Variants in TRIP12 observed in about 807,000 individuals in gnomAD.
TRIP12 encodes the protein thyroid hormone receptor interactor 12, also known as E3 ubiquitin-protein ligase TRIP12.
A neutral mutation model predicts 244.2 loss-of-function variants in TRIP12; 25 were observed. The ratio of observed to expected loss-of-function variants is 0.10; its 90% CI spans 0.07 to 0.14. The LOEUF is 0.14. Among genes scored for constraint, TRIP12 ranks in the 10% least tolerant of loss-of-function variants. The pLI is 1.00. For synonymous variants in TRIP12, 905 were observed against 873.1 expected (o/e 1.04, Z -0.64); for missense variants, 1,677 against 2,486.4 (o/e 0.67, Z 6.92).
In TRIP12 at chr2:229,788,938, A is replaced by G; in HGVS notation, c.4698T>C (p.Asn1566=). 2 of 1,599,636 alleles carry G rather than the reference A, an allele frequency of 1.3e-6. No homozygotes were observed. The highest frequency in any genetic ancestry group is 8.5e-7 in the Non-Finnish European group (1 of 1,175,162). ...TTGGAATAATTTCCTTGCACATTGC[A>G]TTCTGTAAAATGTTTAAAAAAAAAA... ...ISRYWYYLYD[N]AMCKEIIPTS... is the part of the protein sequence containing the mutation. The change falls in exon 32 of 42, where the codon AAT becomes AAC. Residue 1566 remains asparagine (N), a splice_region_variant and synonymous_variant. Coordinates refer to ENST00000675903, the MANE Select transcript of TRIP12 (RefSeq NM_001348323.3).
intron 4 of TRIP12, among the ~76,000 whole-genome samples, chr2:229,848,641 G>C (rs746742118): frequency 6.6e-6 from 1 of 152,000 alleles, no homozygotes; most frequent in Admixed American, 6.6e-5. Context: ...ACAAGTACAC[G>C]GTGACCAACA....
At chr2:229,771,674 A>T in intron 38 of TRIP12, 42 bp from the exon 39 acceptor site, 1 of 1,475,474 alleles carries the variant, frequency 6.8e-7, no homozygotes, top group East Asian at 2.3e-5. Flanking sequence ...CAAGATTTCA[A>T]ATCTCTTTAC....
At chr2:229,811,098 C>T in intron 14 of TRIP12, 38 bp downstream of exon 14, 2 of 1,613,614 alleles carry the variant, frequency 1.2e-6, no homozygotes, top group Non-Finnish European at 8.5e-7. Context: ...AGCAATTCAA[C>T]AACCTCATAA....
In TRIP12 at chr2:229,833,969, T is replaced by C. The variant is rs73101655; in HGVS notation, c.1270+2879A>G. On this transcript the variant is annotated intron_variant, in intron 6 of 41. Coordinates refer to ENST00000675903, the MANE Select transcript of TRIP12 (RefSeq NM_001348323.3). ...AGGTCATGCAGATACGAAAATGTAA[T>C]TAATCAACAGCAGTCAGCTACAGTT... 4.2e-3 allele frequency among the ~76,000 whole-genome samples: 643 copies of C among 152,322 alleles called. 7 individuals are homozygous for C. Among genetic ancestry groups the C allele is most frequent in the African/African-American group, 0.015 (628 of 41,570 alleles).
At chr2:229,780,942 C>T (rs2037951024) in intron 34 of TRIP12, among the ~76,000 whole-genome samples, 1 of 152,232 alleles carries the variant, frequency 6.6e-6, no homozygotes, top group Non-Finnish European at 1.5e-5. Context: ...TGCAGTAACA[C>T]ATGGTATCCA....
chr2:229,813,835 C>T (rs979217287), intron 13 of TRIP12, 35 bp downstream of exon 13: 3 of 1,349,252 alleles, frequency 2.2e-6, no homozygotes, highest in South Asian at 2.3e-5. Flanking sequence ...AGTAATAAAA[C>T]ACTTTATGGC....
intron 4 of TRIP12, among the ~76,000 whole-genome samples, chr2:229,845,759 C>T (rs532689496): frequency 5.3e-5 from 8 of 152,166 alleles, no homozygotes; most frequent in African/African-American, 1.9e-4. Context: ...GGTGTAGTGG[C>T]TCACATCTGT....
chr2:229,769,149 A>G, intron 40 of TRIP12, 82 bp downstream of exon 40: 1 of 1,186,294 alleles, frequency 8.4e-7, no homozygotes, highest in Non-Finnish European at 1.2e-6. Context: ...TTGTTTACAC[A>G]TGTGCGCATG....
chr2:229,895,211 T>C (rs1449001811), intron 1 of TRIP12, among the ~76,000 whole-genome samples: 1 of 151,934 alleles, frequency 6.6e-6, no homozygotes, highest in Non-Finnish European at 1.5e-5. Context: ...ATTTCTAACA[T>C]GAAAAATAAA....
rs753542969 is a variant in TRIP12 at position 229,768,745 on chromosome 2, A to T, written c.5904-26T>A. ...CTATAACAGAAATAAATATACCAAA[A>T]TTATTTCATCAGGTTAAAATAGAGT... On this transcript the variant is annotated intron_variant, in intron 40 of 41. Coordinates refer to ENST00000675903, the MANE Select transcript of TRIP12 (RefSeq NM_001348323.3). The T allele has an allele frequency of 9.5e-6, 15 of 1,574,714 alleles. No individual in the cohort carries two copies. In the South Asian group the frequency reaches 1.6e-4, roughly 17 times the overall value.
At chr2:229,849,790 T>C (rs2058295726) in intron 4 of TRIP12, among the ~76,000 whole-genome samples, 1 of 152,172 alleles carries the variant, frequency 6.6e-6, no homozygotes, top group Admixed American at 6.5e-5. Context: ...GGAACACTGT[T>C]TGAATCTTTT....
chr2:229,814,955 C>A, intron 11 of TRIP12, 144 bp downstream of exon 11: 1 of 616,874 alleles, frequency 1.6e-6, no homozygotes, highest in Non-Finnish European at 2.8e-6. Context: ...TTATCTTCAC[C>A]TTCAAACTAT....
intron 2 of TRIP12, among the ~76,000 whole-genome samples, chr2:229,866,042 T>C (rs1215758435): frequency 2.0e-5 from 3 of 152,048 alleles, no homozygotes; most frequent in South Asian, 2.1e-4. Flanking sequence ...GGATTAGAGG[T>C]AAAGATGAGC....
intron 4 of TRIP12, among the ~76,000 whole-genome samples, chr2:229,842,615 TA>T (rs967167282): frequency 3.3e-5 from 5 of 151,910 alleles, no homozygotes; most frequent in Non-Finnish European, 5.9e-5. Context: ...ACAAAGCACT[TA>T]AAAAAAACCC....
At chr2:229,900,371 A>G (rs141402805) in intron 1 of TRIP12, among the ~76,000 whole-genome samples, 116 of 152,342 alleles carry the variant, frequency 7.6e-4, no homozygotes, top group Admixed American at 2.8e-3. Flanking sequence ...AGTTAACGAG[A>G]TGTTTAAATT....
chr2:229,843,261 G>A (rs2056902585), intron 4 of TRIP12, among the ~76,000 whole-genome samples: 1 of 152,098 alleles, frequency 6.6e-6, no homozygotes, highest in African/African-American at 2.4e-5. Flanking sequence ...AAATGTAGAT[G>A]TACTCTTTTC....
At chr2:229,838,448 G>C (rs1254435968) in intron 5 of TRIP12, among the ~76,000 whole-genome samples, 1 of 152,164 alleles carries the variant, frequency 6.6e-6, no homozygotes, top group Non-Finnish European at 1.5e-5. Context: ...GATTTGCCAT[G>C]AAGAGCACTT....
At chr2:229,848,929 T>C (rs978054637) in intron 4 of TRIP12, among the ~76,000 whole-genome samples, 1 of 152,170 alleles carries the variant, frequency 6.6e-6, no homozygotes, top group African/African-American at 2.4e-5. Flanking sequence ...AAAAAATAAA[T>C]TGTAAATTAT....
chr2:229,796,548 C>T (rs759806967), intron 25 of TRIP12, 43 bp downstream of exon 25: 1 of 1,492,828 alleles, frequency 6.7e-7, no homozygotes, highest in East Asian at 2.3e-5. Context: ...CATTAGTGAG[C>T]ACTGATTCTT....
Sources: allele counts gnomAD v4.1 joint callset (sites outside exome capture counted in the v4.1 genomes callset), GRCh38; gene constraint gnomAD v4.1.1; transcripts MANE v1.5; gene names NCBI Gene and HGNC (gene_info 2026-07-23, HGNC 2026-07-21).